Variants in PDE4B observed in about 807,000 individuals in gnomAD.
PDE4B encodes phosphodiesterase 4B, also known as 3',5'-cyclic-AMP phosphodiesterase 4B.
PDE4B carries 20 observed loss-of-function variants against 82.2 expected under a neutral mutation model. The observed-to-expected ratio is 0.24, with a 90% CI of 0.17 to 0.35. The LOEUF (loss-of-function observed/expected upper bound fraction) is 0.35. Ranked by LOEUF, PDE4B falls within the 10% of genes least tolerant of loss-of-function variation. The pLI, the probability that PDE4B is intolerant of heterozygous loss-of-function variation, is 1.00. For synonymous variants in PDE4B, 320 were observed against 318.9 expected (o/e 1.00, Z -0.04); for missense variants, 655 against 907.2 (o/e 0.72, Z 3.57).
intron 3 of PDE4B, among the ~76,000 whole-genome samples, chr1:66,190,188 T>C (rs893564976): frequency 7.2e-5 from 11 of 152,308 alleles, no homozygotes; most frequent in Admixed American, 7.2e-4. Flanking sequence ...TGATCATTCC[T>C]CTGGAAGTTT....
At chr1:66,022,114 G>A (rs7543153) in intron 3 of PDE4B, among the ~76,000 whole-genome samples, 3,669 of 152,226 alleles carry the variant, frequency 0.024, 76 homozygotes, top group Middle Eastern at 0.034. Flanking sequence ...CTCTCTGTCT[G>A]TTATTGGTGT....
chr1:65,944,776 T>C (rs1054366520), intron 3 of PDE4B, among the ~76,000 whole-genome samples: 8 of 151,802 alleles, frequency 5.3e-5, no homozygotes, highest in African/African-American at 1.9e-4. Flanking sequence ...TCTGGAGATT[T>C]GGAGAGCATT....
At chr1:66,138,919 G>A (rs527759688) in intron 3 of PDE4B, among the ~76,000 whole-genome samples, 97 of 152,254 alleles carry the variant, frequency 6.4e-4, no homozygotes, top group Admixed American at 1.6e-3. Context: ...AAGTGGGAGA[G>A]GGCCTTGATC....
chr1:65,838,178 G>T (rs556935542), intron 1 of PDE4B, among the ~76,000 whole-genome samples: 1 of 151,868 alleles, frequency 6.6e-6, no homozygotes, highest in East Asian at 1.9e-4. Context: ...TGAAACCTCC[G>T]CATGTACTTT....
intron 1 of PDE4B, among the ~76,000 whole-genome samples, chr1:65,877,276 A>G (rs1234971136): frequency 6.6e-6 from 1 of 152,180 alleles, no homozygotes. Flanking sequence ...ATCTTTGACA[A>G]ACTTTGACAC....
chr1:66,104,765 C>A (rs577982359), intron 3 of PDE4B, among the ~76,000 whole-genome samples: 1 of 149,176 alleles, frequency 6.7e-6, no homozygotes, highest in African/African-American at 2.5e-5. Flanking sequence ...TCATGTCCTT[C>A]GCCCACTTTT....
intron 3 of PDE4B, among the ~76,000 whole-genome samples, chr1:66,230,436 A>C (rs1190797760): frequency 2.6e-5 from 4 of 152,196 alleles, no homozygotes; most frequent in Admixed American, 6.5e-5. Context: ...TTGACACAGG[A>C]GAGTTAAATT....
chr1:65,996,995 G>C (rs1485615044), intron 3 of PDE4B, among the ~76,000 whole-genome samples: 2 of 152,136 alleles, frequency 1.3e-5, no homozygotes, highest in Non-Finnish European at 2.9e-5. Context: ...CCTGGTACTT[G>C]TCACACAGTG....
chr1:66,268,754 G>A (rs1168256803), intron 7 of PDE4B, among the ~76,000 whole-genome samples: 1 of 151,276 alleles, frequency 6.6e-6, no homozygotes, highest in Admixed American at 6.6e-5. Context: ...ATCCAGCCAA[G>A]GTTCTTATCA....
chr1:66,322,314 A>G (rs1659460764), intron 7 of PDE4B, among the ~76,000 whole-genome samples: 1 of 152,166 alleles, frequency 6.6e-6, no homozygotes, highest in Non-Finnish European at 1.5e-5. Context: ...AAATAGACAA[A>G]TGGGATCTAA....
intron 3 of PDE4B, among the ~76,000 whole-genome samples, chr1:66,052,104 T>C (rs1248319043): frequency 6.6e-6 from 1 of 152,180 alleles, no homozygotes; most frequent in East Asian, 1.9e-4. Flanking sequence ...CAGTTCTTAA[T>C]AAACATCCTG....
intron 3 of PDE4B, among the ~76,000 whole-genome samples, chr1:66,029,895 G>A (rs1377380749): frequency 6.6e-6 from 1 of 152,122 alleles, no homozygotes; most frequent in Non-Finnish European, 1.5e-5. Flanking sequence ...ATATACAAAG[G>A]TACTTTCAAG....
chr1:66,008,076 A>C (rs1652253322), intron 3 of PDE4B, among the ~76,000 whole-genome samples: 1 of 152,154 alleles, frequency 6.6e-6, no homozygotes, highest in Admixed American at 6.5e-5. Flanking sequence ...CCTTATTAAA[A>C]GCTTCCTCCC....
At chr1:66,099,266 G>A (rs1371956114) in intron 3 of PDE4B, among the ~76,000 whole-genome samples, 3 of 152,098 alleles carry the variant, frequency 2.0e-5, no homozygotes, top group Admixed American at 6.6e-5. Context: ...ATGGCTTCCA[G>A]CTCCATCCAT....
chr1:66,257,533 G>T, intron 4 of PDE4B, 114 bp from the exon 5 acceptor site: 2 of 1,048,782 alleles, frequency 1.9e-6, no homozygotes, highest in Non-Finnish European at 1.5e-6. Context: ...CCAGGTAGAA[G>T]AACTTGTATA....
chr1:65,960,105 T>C (rs1649472434), intron 3 of PDE4B, among the ~76,000 whole-genome samples: 1 of 152,172 alleles, frequency 6.6e-6, no homozygotes, highest in Non-Finnish European at 1.5e-5. Context: ...TAGCTCTTTA[T>C]GTCTGAGCAA....
chr1:66,157,428 G>GT (rs1249603969), intron 3 of PDE4B, among the ~76,000 whole-genome samples: 3 of 152,128 alleles, frequency 2.0e-5, no homozygotes, highest in African/African-American at 7.2e-5. Flanking sequence ...TGAAAACCCA[G>GT]TTTTTTCTAG....
chr1:66,122,703 C>CTTTTTTTTTTT (rs3036785), intron 3 of PDE4B, among the ~76,000 whole-genome samples: 42 of 111,932 alleles, frequency 3.8e-4, no homozygotes, highest in East Asian at 5.0e-4. Flanking sequence ...CTCTTCTTTT[C>CTTTTTTTTTTT]TTTTTTTTTT....
chr1:66,358,279 C>G (rs1479819481), intron 9 of PDE4B, among the ~76,000 whole-genome samples: 1 of 152,102 alleles, frequency 6.6e-6, no homozygotes, highest in Non-Finnish European at 1.5e-5. Context: ...GTTAGGAACG[C>G]AGAACATATA....
Sources: allele counts gnomAD v4.1 joint callset (sites outside exome capture counted in the v4.1 genomes callset), GRCh38; gene constraint gnomAD v4.1.1; transcripts MANE v1.5; gene names NCBI Gene and HGNC (gene_info 2026-07-23, HGNC 2026-07-21).